RIC3: variants seen among roughly 807,000 people sequenced by gnomAD.
The protein encoded by RIC3 is RIC3 acetylcholine receptor chaperone, also known as protein RIC-3.
A neutral mutation model predicts 27.3 loss-of-function variants in RIC3; 28 were observed. That is an observed-to-expected ratio of 1.02 (90% CI 0.76 to 1.41). RIC3 has a LOEUF of 1.41. Among genes scored for constraint, RIC3 ranks in the 40% most tolerant of loss-of-function variants. The pLI is 0.00. For missense variants in RIC3, 501 were observed against 444.7 expected (o/e 1.13, Z -1.14); for synonymous variants, 184 against 160.4 (o/e 1.15, Z -1.11).
intron 5 of RIC3, among the ~76,000 whole-genome samples, chr11:8,115,597 C>G (rs1277606419): frequency 1.3e-5 from 2 of 152,202 alleles, no homozygotes; most frequent in African/African-American, 2.4e-5. Context: ...CACCTGAGGT[C>G]AGGAGTTCGA....
chr11:8,129,316 T>A (rs1166278670), intron 4 of RIC3, among the ~76,000 whole-genome samples: 1 of 152,082 alleles, frequency 6.6e-6, no homozygotes, highest in Non-Finnish European at 1.5e-5. Context: ...ATTCTTATAA[T>A]CATGCCCTCA....
downstream of RIC3, chr11:8,102,735 T>G (rs1944358559): frequency 6.6e-6 from 1 of 151,946 alleles, no homozygotes; most frequent in African/African-American, 2.4e-5. Context: ...CCACAAGAGA[T>G]CAGCAGTGGC....
At chr11:8,130,002 G>A (rs1947495515) in intron 4 of RIC3, among the ~76,000 whole-genome samples, 1 of 152,160 alleles carries the variant, frequency 6.6e-6, no homozygotes. Flanking sequence ...CCCTTCTTTT[G>A]TATTTTATCT....
At chr11:8,097,493 T>C in the RIC3 span, 1 of 1,596,142 alleles carries the variant, frequency 6.3e-7, no homozygotes, top group Non-Finnish European at 8.6e-7. Flanking sequence ...GGCTGAAATG[T>C]GACTGGAAGT....
intron 1 of RIC3, among the ~76,000 whole-genome samples, chr11:8,159,392 T>TTGGGTCATGTATAGA (rs1319934105): frequency 6.6e-6 from 1 of 152,158 alleles, no homozygotes; most frequent in African/African-American, 2.4e-5. Flanking sequence ...ATAGGGCCTT[T>TTGGGTCATGTATAGA]TGGGTCATGT....
chr11:8,150,037 T>G (rs1417535987), intron 1 of RIC3, among the ~76,000 whole-genome samples: 1 of 152,210 alleles, frequency 6.6e-6, no homozygotes, highest in African/African-American at 2.4e-5. Flanking sequence ...TACTGCCATT[T>G]TGTGTGTATA....
chr11:8,161,905 G>A lies in RIC3; in HGVS notation c.124+6961C>T, dbSNP rs559493395. ...TGTCCGAAACTGTTGCTATAAATGA[G>A]ACACTCACTTTCTCCGGGCAATGGA... is the stretch of plus-strand genomic sequence containing the variant. On this transcript the variant is annotated intron_variant, in intron 1 of 5. Coordinates refer to ENST00000309737, the MANE Select transcript of RIC3 (RefSeq NM_001206671.4). Among the ~76,000 whole-genome samples the A allele has an allele frequency of 1.8e-3, 254 of 140,422 alleles. 1 individual carries two copies. Among genetic ancestry groups the A allele is most frequent in the Non-Finnish European group, 2.7e-3 (175 of 65,098 alleles). The allele number at this position is 140,422 out of a possible 152,430, so 92.1% of individuals were successfully genotyped here.
chr11:8,138,217 T>C, intron 3 of RIC3, 55 bp downstream of exon 3: 3 of 1,242,834 alleles, frequency 2.4e-6, no homozygotes, highest in Non-Finnish European at 3.6e-6. Flanking sequence ...TCCCTGTGGC[T>C]ATAAAACTGT....
intron 1 of RIC3, among the ~76,000 whole-genome samples, chr11:8,155,238 A>G (rs1416163940): frequency 1.3e-5 from 2 of 151,636 alleles, no homozygotes; most frequent in African/African-American, 4.9e-5. Context: ...AAAAAAAAAA[A>G]AATTCACTTA....
At chr11:8,126,937 G>C (rs1165240821) in intron 4 of RIC3, 130 bp from the exon 5 acceptor site, 1 of 1,062,452 alleles carries the variant, frequency 9.4e-7, no homozygotes, top group East Asian at 2.5e-5. Flanking sequence ...TCTAGGAATT[G>C]ATCCTCCAAC....
chr11:8,161,637 G>A (rs566456331), intron 1 of RIC3, among the ~76,000 whole-genome samples: 6 of 152,260 alleles, frequency 3.9e-5, no homozygotes, highest in South Asian at 2.1e-4. Flanking sequence ...TAACGTGAAC[G>A]GATATGTTTG....
intron 1 of RIC3, among the ~76,000 whole-genome samples, chr11:8,165,600 A>T (rs1319439244): frequency 6.6e-6 from 1 of 151,996 alleles, no homozygotes; most frequent in African/African-American, 2.4e-5. Context: ...AATATTCTAA[A>T]ATTGGTTGTA....
At chr11:8,143,464 C>G (rs1397361432) in intron 1 of RIC3, among the ~76,000 whole-genome samples, 2 of 151,056 alleles carry the variant, frequency 1.3e-5, no homozygotes, top group East Asian at 1.9e-4. Context: ...AGGAATCCAA[C>G]TTACAAGGGA....
intron 1 of RIC3, among the ~76,000 whole-genome samples, chr11:8,154,719 T>C (rs1399732112): frequency 2.0e-5 from 3 of 152,190 alleles, no homozygotes; most frequent in Admixed American, 2.0e-4. Context: ...ACAAATGTTC[T>C]AGTTCACAGT....
chr11:8,132,129 G>A (rs970966183), intron 4 of RIC3, among the ~76,000 whole-genome samples: 2 of 152,092 alleles, frequency 1.3e-5, no homozygotes, highest in Admixed American at 6.5e-5. Flanking sequence ...CTCATGGACT[G>A]CTTGACCATA....
At chr11:8,100,694 G>GA in the RIC3 span, 19 of 1,482,772 alleles carry the variant, frequency 1.3e-5, no homozygotes, top group Non-Finnish European at 1.6e-5. Flanking sequence ...TGTGTATGTG[G>GA]AGGGGTACCA....
chr11:8,104,239 A>G (rs1357186046), downstream of RIC3: 1 of 152,212 alleles, frequency 6.6e-6, no homozygotes, highest in East Asian at 1.9e-4. Flanking sequence ...AGCAGTCCCT[A>G]ATGGTATTGG....
intron 1 of RIC3, among the ~76,000 whole-genome samples, chr11:8,160,449 C>T (rs1246605499): frequency 6.6e-6 from 1 of 152,150 alleles, no homozygotes; most frequent in African/African-American, 2.4e-5. Context: ...ACATTGAATG[C>T]TCTGAAAAAA....
In RIC3 at chr11:8,110,558, A is replaced by G. The variant is rs1945122461; in HGVS notation, c.*140T>C. The G allele has an allele frequency of 1.0e-5, 8 of 783,298 alleles. No individual in the cohort carries two copies. The highest frequency in any genetic ancestry group is 5.0e-5 in the East Asian group (2 of 39,874). 48.5% of individuals were successfully genotyped at this position (783,298 alleles called of 1,614,324 possible). ...GGTGTGTGAGCACCAGGAAGGATACATGATATCCATGATAGTGGCCTGATA... is the reference window on the plus strand; with the variant it reads ...GGTGTGTGAGCACCAGGAAGGATACGTGATATCCATGATAGTGGCCTGATA... On this transcript the variant is annotated 3_prime_UTR_variant, in exon 6 of 6. Coordinates refer to ENST00000309737, the MANE Select transcript of RIC3 (RefSeq NM_001206671.4).
Sources: allele counts gnomAD v4.1 joint callset (sites outside exome capture counted in the v4.1 genomes callset), GRCh38; gene constraint gnomAD v4.1.1; transcripts MANE v1.5; gene names NCBI Gene and HGNC (gene_info 2026-07-23, HGNC 2026-07-21).